The following METTL15 variants were observed in gnomAD, a reference collection of about 807,000 sequenced individuals.
The protein encoded by METTL15 is 12S rRNA N(4)-cytidine methyltransferase METTL15.
A neutral mutation model predicts 38.3 loss-of-function variants in METTL15; 34 were observed. The ratio of observed to expected loss-of-function variants is 0.89; its 90% CI spans 0.68 to 1.18. The LOEUF (loss-of-function observed/expected upper bound fraction) is 1.18. Ranked by LOEUF, METTL15 falls within the 50% of genes most tolerant of loss-of-function variation. The probability of loss-of-function intolerance (pLI) is 0.00; values close to 1 mark genes in which losing one functional copy is unlikely to be tolerated. For synonymous variants in METTL15, 162 were observed against 170.9 expected, an observed-to-expected ratio of 0.95 and a Z score of 0.41; for missense variants, 438 against 498.4, an observed-to-expected ratio of 0.88 and a Z score of 1.15.
chr11:28,445,268 A>G (rs1851065860), intron 6 of METTL15, among the ~76,000 whole-genome samples: 1 of 152,176 alleles, frequency 6.6e-6, no homozygotes, highest in African/African-American at 2.4e-5. Flanking sequence ...GAATAGTGCA[A>G]AGAACTTCCG....
chr11:28,219,360 G>A (rs1019749273), intron 4 of METTL15, among the ~76,000 whole-genome samples: 7 of 152,144 alleles, frequency 4.6e-5, no homozygotes, highest in Admixed American at 2.6e-4. Flanking sequence ...GGTGTTTATA[G>A]TATTCTGTGA....
chr11:28,138,475 A>G (rs1443879764), intron 3 of METTL15, among the ~76,000 whole-genome samples: 10 of 152,246 alleles, frequency 6.6e-5, no homozygotes, highest in East Asian at 3.8e-4. Flanking sequence ...GGTGAAACCA[A>G]CAAGCCTCAA....
chr11:28,382,095 AC>A (rs1358321980), intron 5 of METTL15, among the ~76,000 whole-genome samples: 1 of 152,100 alleles, frequency 6.6e-6, no homozygotes, highest in African/African-American at 2.4e-5. Flanking sequence ...ATAGATCACT[AC>A]CTCTTTGAGC....
intron 4 of METTL15, among the ~76,000 whole-genome samples, chr11:28,243,300 C>G (rs1854378863): frequency 1.3e-5 from 2 of 152,108 alleles, no homozygotes; most frequent in African/African-American, 4.8e-5. Flanking sequence ...TAGAATTAGT[C>G]TTGTGACTTC....
intron 6 of METTL15, among the ~76,000 whole-genome samples, chr11:28,302,150 C>G (rs564148124): frequency 6.6e-6 from 1 of 151,964 alleles, no homozygotes; most frequent in East Asian, 1.9e-4. Context: ...TGGCTTCAAG[C>G]GATCCCCAAC....
chr11:28,208,681 C>G (rs1344589312), intron 3 of METTL15, among the ~76,000 whole-genome samples: 1 of 151,968 alleles, frequency 6.6e-6, no homozygotes, highest in Non-Finnish European at 1.5e-5. Flanking sequence ...CTTTTTGTCT[C>G]CTTGATCTGT....
At chr11:28,275,050 A>T (rs915585252) in intron 4 of METTL15, among the ~76,000 whole-genome samples, 2 of 151,730 alleles carry the variant, frequency 1.3e-5, no homozygotes, top group Non-Finnish European at 1.5e-5. Flanking sequence ...CTAGTAATGC[A>T]CCTCAAGGAA....
chr11:28,125,493 C>G (rs1030419878), intron 3 of METTL15: 1 of 151,908 alleles, frequency 6.6e-6, no homozygotes, highest in African/African-American at 2.4e-5. Context: ...AATTTTGTTT[C>G]ATTTTTTTTA....
intron 5 of METTL15, among the ~76,000 whole-genome samples, chr11:28,373,256 A>G (rs920696107): frequency 2.0e-5 from 3 of 151,892 alleles, no homozygotes; most frequent in African/African-American, 7.3e-5. Context: ...AAGTGTTCCT[A>G]TTTCTCCACA....
At chr11:28,343,729 A>T (rs1457205234) in intron 3 of METTL15, among the ~76,000 whole-genome samples, 1 of 152,218 alleles carries the variant, frequency 6.6e-6, no homozygotes, top group Admixed American at 6.5e-5. Flanking sequence ...TTTGAAATGT[A>T]CAGAAATCAG....
chr11:28,188,832 T>C (rs1203103202), intron 3 of METTL15, among the ~76,000 whole-genome samples: 1 of 151,292 alleles, frequency 6.6e-6, no homozygotes, highest in Non-Finnish European at 1.5e-5. Flanking sequence ...TACTGGAAAG[T>C]GTCATTACGA....
intron 5 of METTL15, among the ~76,000 whole-genome samples, chr11:28,363,665 T>C (rs1250572785): frequency 6.6e-6 from 1 of 152,242 alleles, no homozygotes; most frequent in African/African-American, 2.4e-5. Flanking sequence ...TAATTTATAT[T>C]GCTGTGCAGA....
intron 5 of METTL15, among the ~76,000 whole-genome samples, chr11:28,400,068 C>T: frequency 6.6e-6 from 1 of 151,906 alleles, no homozygotes; most frequent in East Asian, 1.9e-4. Context: ...TTCTCCCCGT[C>T]CTCACATTCT....
chr11:28,162,463 G>A (rs1265175009), intron 3 of METTL15, among the ~76,000 whole-genome samples: 1 of 152,098 alleles, frequency 6.6e-6, no homozygotes, highest in Non-Finnish European at 1.5e-5. Context: ...ATCTAAGCAT[G>A]TGTTTTCATG....
chr11:28,265,940 C>T (rs1354283501), intron 4 of METTL15, among the ~76,000 whole-genome samples: 4 of 152,198 alleles, frequency 2.6e-5, no homozygotes, highest in Non-Finnish European at 1.5e-5. Context: ...TTAGGTATAT[C>T]TCCTAATGCT....
intron 6 of METTL15, among the ~76,000 whole-genome samples, chr11:28,301,278 G>C (rs1427656128): frequency 6.6e-6 from 1 of 151,894 alleles, no homozygotes; most frequent in Non-Finnish European, 1.5e-5. Context: ...TCATCTCCCT[G>C]CCCTACCCCT....
chr11:28,143,636 A>G (rs1305508577), intron 3 of METTL15, among the ~76,000 whole-genome samples: 1 of 152,224 alleles, frequency 6.6e-6, no homozygotes, highest in East Asian at 1.9e-4. Context: ...AGCTGGTAGC[A>G]TAAAGCCAGA....
intron 3 of METTL15, among the ~76,000 whole-genome samples, chr11:28,134,121 A>G (rs908220482): frequency 6.6e-6 from 1 of 152,056 alleles, no homozygotes; most frequent in African/African-American, 2.4e-5. Flanking sequence ...TTGATTCAAG[A>G]TTTTTTTGCT....
At chr11:28,456,796 C>T (rs1182515887) in intron 6 of METTL15, among the ~76,000 whole-genome samples, 1 of 152,190 alleles carries the variant, frequency 6.6e-6, no homozygotes, top group Non-Finnish European at 1.5e-5. Flanking sequence ...TGTGTGTAAT[C>T]TGGTAGGCAG....
Sources: gnomAD v4.1 joint callset for allele counts (sites outside exome capture counted in the v4.1 genomes callset) on GRCh38, gnomAD v4.1.1 for gene constraint, MANE v1.5 for transcripts, NCBI Gene and HGNC (gene_info 2026-07-23, HGNC 2026-07-21) for gene names.